Variants in MTRES1 observed in about 807,000 individuals in gnomAD.
MTRES1 encodes the protein mitochondrial transcription rescue factor 1.
In MTRES1, 11 loss-of-function variants were observed where a neutral mutation model predicts 17.4. The ratio of observed to expected loss-of-function variants is 0.63; its 90% CI spans 0.40 to 1.05. The LOEUF is 1.05. Ranked by LOEUF, MTRES1 falls within the 50% of genes least tolerant of loss-of-function variation. MTRES1 has a pLI of 0.00. For missense variants in MTRES1, 268 were observed against 276.2 expected, an observed-to-expected ratio of 0.97 and a Z score of 0.21; for synonymous variants, 94 against 99.6, an observed-to-expected ratio of 0.94 and a Z score of 0.34.
chr6:107,030,023 A>G, intron 1 of MTRES1: 4 of 710,524 alleles, frequency 5.6e-6, no homozygotes, highest in Non-Finnish European at 1.0e-5. Flanking sequence ...TTCCCCTACT[A>G]GACTATAAAC....
In MTRES1 at chr6:107,039,736, T is replaced by C. The variant is rs781993918; in HGVS notation, c.-12-13T>C. The C allele has an allele frequency of 6.4e-7, 1 of 1,574,038 alleles. No individual in the cohort carries two copies. Among genetic ancestry groups the C allele is most frequent in the Admixed American group, 2.0e-5 (1 of 49,520 alleles). On this transcript the variant is annotated splice_polypyrimidine_tract_variant and intron_variant, in intron 1 of 3. Transcript: ENST00000311381. ...GCACTTGTGAGATAAAACTGATTTATTATCTGTTTCAGATTATAAGCGCCA... is the reference window on the plus strand; with the variant it reads ...GCACTTGTGAGATAAAACTGATTTACTATCTGTTTCAGATTATAAGCGCCA...
chr6:107,029,215 T>C (rs1315927383), intron 1 of MTRES1, among the ~76,000 whole-genome samples: 2 of 146,828 alleles, frequency 1.4e-5, no homozygotes, highest in African/African-American at 5.1e-5. Context: ...TGAGACGCAG[T>C]CTCGCTCTGT....
chr6:107,045,938 T>C (rs1774375308), intron 3 of MTRES1, among the ~76,000 whole-genome samples: 5 of 152,244 alleles, frequency 3.3e-5, no homozygotes, highest in Admixed American at 3.3e-4. Flanking sequence ...CTGTCGGCTG[T>C]CAGCCGTGCA....
chr6:107,048,763 G>A (rs937002975), intron 3 of MTRES1, among the ~76,000 whole-genome samples: 3 of 132,258 alleles, frequency 2.3e-5, no homozygotes, highest in Non-Finnish European at 4.8e-5. Context: ...CTGGTGACAC[G>A]GTGAGACTCC....
chr6:107,045,483 C>A (rs200584983), intron 3 of MTRES1, among the ~76,000 whole-genome samples: 28 of 132,016 alleles, frequency 2.1e-4, no homozygotes, highest in African/African-American at 7.5e-4. Context: ...GACTTCGTCT[C>A]AAAAAAAAAA....
intron 1 of MTRES1, among the ~76,000 whole-genome samples, chr6:107,030,421 A>G (rs1339011397): frequency 6.6e-6 from 1 of 152,200 alleles, no homozygotes; most frequent in Non-Finnish European, 1.5e-5. Context: ...TCATACTCAC[A>G]GCTGTGATTT....
intron 1 of MTRES1, chr6:107,030,146 A>C (rs1290516990): frequency 1.4e-6 from 1 of 718,462 alleles, no homozygotes; most frequent in African/African-American, 1.7e-5. Context: ...AGTGTTGCTG[A>C]AGCTGAATTT....
At chr6:107,029,496 G>GT (rs558351343) in intron 1 of MTRES1, among the ~76,000 whole-genome samples, 18,364 of 126,438 alleles carry the variant, frequency 0.15, 1,598 homozygotes, top group East Asian at 0.37. Context: ...CTGTTTTGTT[G>GT]TTTTTTTTTT....
chr6:107,039,378 G>A (rs2114954099), intron 1 of MTRES1, among the ~76,000 whole-genome samples: 1 of 152,036 alleles, frequency 6.6e-6, no homozygotes, highest in Admixed American at 6.6e-5. Flanking sequence ...GGAGTGCAGT[G>A]GCGTGATCTC....
chr6:107,030,956 A>G (rs1325452602), intron 1 of MTRES1, among the ~76,000 whole-genome samples: 1 of 152,234 alleles, frequency 6.6e-6, no homozygotes, highest in Non-Finnish European at 1.5e-5. Context: ...ATTTAAAGCC[A>G]CAGAAATGAT....
At chr6:107,047,810 C>T (rs1424879329) in intron 3 of MTRES1, among the ~76,000 whole-genome samples, 3 of 151,926 alleles carry the variant, frequency 2.0e-5, no homozygotes, top group Non-Finnish European at 4.4e-5. Flanking sequence ...CGTTTGAATC[C>T]AGGAGGTGGA....
intron 2 of MTRES1, among the ~76,000 whole-genome samples, chr6:107,042,523 C>G (rs1554227898): frequency 1.3e-5 from 2 of 152,092 alleles, no homozygotes; most frequent in East Asian, 3.9e-4. Context: ...TGTCAGTCAC[C>G]TGGAATCAGA....
intron 1 of MTRES1, among the ~76,000 whole-genome samples, 191 bp from the exon 2 acceptor site, chr6:107,039,558 G>T (rs1442581090): frequency 6.6e-6 from 1 of 152,088 alleles, no homozygotes; most frequent in Non-Finnish European, 1.5e-5. Flanking sequence ...GACCTCAGGT[G>T]ATCCACCCAC....
chr6:107,047,191 G>A (rs1554228518), intron 3 of MTRES1, among the ~76,000 whole-genome samples: 1 of 152,022 alleles, frequency 6.6e-6, no homozygotes, highest in African/African-American at 2.4e-5. Flanking sequence ...TATACACAGA[G>A]TATCCTTTTC....
chr6:107,049,557 G>A (rs1166932848), intron 3 of MTRES1, among the ~76,000 whole-genome samples: 5 of 151,594 alleles, frequency 3.3e-5, no homozygotes, highest in African/African-American at 1.2e-4. Flanking sequence ...AGAACTACAG[G>A]CGCCCGCCAC....
At chr6:107,031,389 A>AG (rs1461161699) in intron 1 of MTRES1, among the ~76,000 whole-genome samples, 22 of 149,420 alleles carry the variant, frequency 1.5e-4, no homozygotes, top group African/African-American at 5.4e-4. Flanking sequence ...CTGTCTCAAA[A>AG]AAAAAAAAAA....
At chr6:107,047,096 C>A (rs1295734634) in intron 3 of MTRES1, among the ~76,000 whole-genome samples, 1 of 152,012 alleles carries the variant, frequency 6.6e-6, no homozygotes. Context: ...GCCACCACAC[C>A]CCGCCAAAGG....
At chr6:107,050,181 G>A (rs1199198038) in intron 3 of MTRES1, among the ~76,000 whole-genome samples, 2 of 151,044 alleles carry the variant, frequency 1.3e-5, no homozygotes, top group Non-Finnish European at 3.0e-5. Context: ...TGTCTCAACT[G>A]AAGCTGCTTT....
At position 107,029,928 on chromosome 6, in the gene MTRES1, T is replaced by C. The variant is rs188831667; in HGVS notation, c.-13+1657T>C. On this transcript the variant is annotated intron_variant, in intron 1 of 3. Coordinates refer to ENST00000311381, the MANE Select transcript of MTRES1 (RefSeq NM_016487.5). ...CCTCATCTTGCCCTCTCAATCCCCC[T>C]TACCCTGCTCCACTTTCTTCCCCCA... is the stretch of plus-strand genomic sequence containing the variant. The C allele has an allele frequency of 3.0e-3, 1,894 of 628,878 alleles. 13 individuals are homozygous for C. The highest frequency in any genetic ancestry group is 1.7e-3 in the Non-Finnish European group (613 of 352,706). The allele number at this position is 628,878 out of a possible 1,614,324, so 39.0% of individuals were successfully genotyped here.
Sources: gnomAD v4.1 joint callset for allele counts (sites outside exome capture counted in the v4.1 genomes callset) on GRCh38, gnomAD v4.1.1 for gene constraint, MANE v1.5 for transcripts, NCBI Gene and HGNC (gene_info 2026-07-23, HGNC 2026-07-21) for gene names.